CDH13: variants seen among roughly 807,000 people sequenced by gnomAD.
CDH13 encodes the protein cadherin-13.
CDH13 carries 24 observed loss-of-function variants against 63.8 expected under a neutral mutation model. That is an observed-to-expected ratio of 0.38 (90% CI 0.27 to 0.53). CDH13 has a LOEUF of 0.53. Among genes scored for constraint, CDH13 ranks in the 20% least tolerant of loss-of-function variants. CDH13 has a pLI of 0.85. For missense variants in CDH13, 1,049 were observed against 903.1 expected (o/e 1.16, Z -2.07); for synonymous variants, 503 against 355.3 (o/e 1.42, Z -4.67).
At chr16:82,784,105 G>A (rs7192372) in intron 1 of CDH13, among the ~76,000 whole-genome samples, 150,757 of 152,192 alleles carry the variant, frequency 0.99, 74,690 homozygotes, top group Middle Eastern at 1. Flanking sequence ...TGCAGTAAAA[G>A]AAATCCACCC....
chr16:83,610,978 T>A (rs1908808263), intron 8 of CDH13, among the ~76,000 whole-genome samples: 1 of 152,220 alleles, frequency 6.6e-6, no homozygotes, highest in Admixed American at 6.5e-5. Flanking sequence ...GGTTTGTTAT[T>A]ATTTTTAGCC....
chr16:83,218,112 C>A (rs143888889), intron 5 of CDH13, among the ~76,000 whole-genome samples: 1 of 152,098 alleles, frequency 6.6e-6, no homozygotes, highest in Non-Finnish European at 1.5e-5. Flanking sequence ...AAAGAAAAAT[C>A]AGTGGGTTAA....
Position 83,289,547 on chromosome 16 carries a change from T to G in CDH13, c.637-55315T>G, listed in dbSNP as rs907636230. 2.0e-5 allele frequency among the ~76,000 whole-genome samples: 3 copies of G among 152,328 alleles called. No homozygotes were observed. In the East Asian group the frequency reaches 5.8e-4, roughly 29 times the overall value. On this transcript the variant is annotated intron_variant, in intron 5 of 13. Transcript: ENST00000567109. The stretch of plus-strand genomic sequence containing the variant: ...ATCTCTGCTGCATTTTATCCTTCTC[T>G]TATTTGAGGCTGTTTTAATGGAGTA...
intron 1 of CDH13, among the ~76,000 whole-genome samples, chr16:82,632,206 C>T (rs570400572): frequency 1.6e-3 from 238 of 152,270 alleles, no homozygotes; most frequent in African/African-American, 5.6e-3. Context: ...GCCTTCTGTG[C>T]TCACTAATTT....
chr16:83,678,332 A>T lies in CDH13; in HGVS notation c.1409A>T (p.Asp470Val), dbSNP rs1915134777. The change falls in exon 10 of 14, where the codon GAT (aspartate) becomes GTT (valine). Residue 470 changes from aspartate (D) to valine (V), a missense_variant. Coordinates refer to ENST00000567109, the MANE Select transcript of CDH13 (RefSeq NM_001257.5). ...GCCACCGTCCACATCACTGTCCTGG[A>T]TGTCAACGAGGGCCCAGTCTTCTAC... ...STATVHITVL[D>V]VNEGPVFYPD... 1.2e-6 allele frequency: 2 copies of T among 1,613,798 alleles called. No individual in the cohort carries two copies. The highest frequency in any genetic ancestry group is 3.3e-5 in the Admixed American group (2 of 59,986).
rs371363694 is a variant in CDH13 at position 83,783,492 on chromosome 16, G to A, written c.2134+20G>A. The A allele has an allele frequency of 1.3e-5, 20 of 1,588,168 alleles. No individual in the cohort carries two copies. The African/African-American group carries it at 2.6e-4, about 20-fold the overall frequency. On this transcript the variant is annotated intron_variant, in intron 13 of 13. Transcript: ENST00000567109. ...TAGCTTGTAAGTTGACCTAACTCCA[G>A]TGCATGCACAAACAGGAAATTGTAA...
rs778316746 is a variant in CDH13 at position 83,342,843 on chromosome 16, G to GTTTTTTTTTT, written c.637-2004_637-1995dup. 1.2e-3 allele frequency among the ~76,000 whole-genome samples: 81 copies of GTTTTTTTTTT among 65,298 alleles called. 1 individual carries two copies. The highest frequency in any genetic ancestry group is 1.6e-3 in the Non-Finnish European group (62 of 38,050). The allele number at this position is 65,298 out of a possible 152,430, so 42.8% of individuals were successfully genotyped here. On this transcript the variant is annotated intron_variant, in intron 5 of 13. Coordinates refer to ENST00000567109, the MANE Select transcript of CDH13 (RefSeq NM_001257.5). ...TTAGGCACAGTGTTTTTTTGTTTCT[G>GTTTTTTTTTT]TTTTTTTTTTTTTTTTTTTTTTTTG... is the stretch of plus-strand genomic sequence containing the variant.
chr16:83,369,160 G>A (rs149640809), intron 6 of CDH13, among the ~76,000 whole-genome samples: 8 of 151,324 alleles, frequency 5.3e-5, no homozygotes, highest in African/African-American at 1.9e-4. Flanking sequence ...CACAGTGGTT[G>A]TACTTGTTTA....
intron 5 of CDH13, among the ~76,000 whole-genome samples, chr16:83,291,519 C>T (rs563256663): frequency 6.6e-6 from 1 of 152,184 alleles, no homozygotes; most frequent in African/African-American, 2.4e-5. Context: ...TATTAGAAGT[C>T]CTCAGAATAG....
intron 5 of CDH13, among the ~76,000 whole-genome samples, chr16:83,321,568 G>A (rs772869604): frequency 2.8e-4 from 33 of 118,420 alleles, no homozygotes; most frequent in Admixed American, 1.8e-3. Context: ...TCACTCTGTC[G>A]CCTAGGCTGG....
chr16:82,629,902 C>T (rs112132518), intron 1 of CDH13, among the ~76,000 whole-genome samples: 6,050 of 152,290 alleles, frequency 0.04, 181 homozygotes, highest in Non-Finnish European at 0.061. Flanking sequence ...TGTGATTCCC[C>T]TCCCTATTTG....
intron 5 of CDH13, among the ~76,000 whole-genome samples, chr16:83,293,907 G>A (rs1218963813): frequency 1.3e-5 from 2 of 152,104 alleles, no homozygotes; most frequent in East Asian, 3.9e-4. Context: ...TATGCCCTTA[G>A]CATGTATTAT....
chr16:83,106,800 T>G (rs1328168215), intron 3 of CDH13, among the ~76,000 whole-genome samples: 1 of 152,226 alleles, frequency 6.6e-6, no homozygotes, highest in African/African-American at 2.4e-5. Flanking sequence ...AATGCTATTC[T>G]GTTTGTCTGA....
chr16:82,893,442 G>C (rs1042036905), intron 2 of CDH13, among the ~76,000 whole-genome samples: 15 of 152,172 alleles, frequency 9.9e-5, no homozygotes, highest in African/African-American at 3.4e-4. Context: ...CCAACTAATG[G>C]GTTTCTAATC....
chr16:83,372,749 T>TAAAAAA (rs35480546), intron 6 of CDH13, among the ~76,000 whole-genome samples: 2 of 95,562 alleles, frequency 2.1e-5, no homozygotes, highest in Admixed American at 1.2e-4. Context: ...AGACTCGGTC[T>TAAAAAA]AAAAAAAAAA....
chr16:83,381,309 TC>T (rs1555539019), intron 6 of CDH13, among the ~76,000 whole-genome samples: 2 of 152,078 alleles, frequency 1.3e-5, no homozygotes, highest in Non-Finnish European at 2.9e-5. Flanking sequence ...AATCGTGGAC[TC>T]CCCCTTTCCC....
intron 2 of CDH13, among the ~76,000 whole-genome samples, chr16:82,938,456 A>T (rs1019481005): frequency 6.6e-6 from 1 of 152,222 alleles, no homozygotes; most frequent in Non-Finnish European, 1.5e-5. Context: ...TAATTTCAAT[A>T]CTGAGCTTTT....
intron 5 of CDH13, among the ~76,000 whole-genome samples, chr16:83,327,270 C>G (rs1038513865): frequency 2.0e-5 from 3 of 152,226 alleles, no homozygotes; most frequent in African/African-American, 7.2e-5. Context: ...TATTTTTGCA[C>G]ACTTTTGAGA....
At chr16:83,330,661 C>T (rs756006914) in intron 5 of CDH13, among the ~76,000 whole-genome samples, 83 of 152,264 alleles carry the variant, frequency 5.5e-4, no homozygotes, top group Non-Finnish European at 5.3e-4. Flanking sequence ...GTACTGAATC[C>T]CCAGAGTGTG....
Sources: gnomAD v4.1 joint callset for allele counts (sites outside exome capture counted in the v4.1 genomes callset) on GRCh38, gnomAD v4.1.1 for gene constraint, MANE v1.5 for transcripts, NCBI Gene and HGNC (gene_info 2026-07-23, HGNC 2026-07-21) for gene names.